GPM6B: variants seen among roughly 807,000 people sequenced by gnomAD.
The protein encoded by GPM6B is glycoprotein M6B, also known as neuronal membrane glycoprotein M6-b.
A neutral mutation model predicts 27.2 loss-of-function variants in GPM6B; 4 were observed. The observed-to-expected ratio is 0.15, with a 90% CI of 0.07 to 0.34. The LOEUF is 0.34. GPM6B is among the 10% of genes least tolerant of loss of function. GPM6B has a pLI of 1.00. For missense variants in GPM6B, 183 were observed against 261.9 expected, an observed-to-expected ratio of 0.70 and a Z score of 2.08; for synonymous variants, 124 against 103.1, an observed-to-expected ratio of 1.20 and a Z score of -1.23.
At chrX:13,874,737 C>G (rs1305663353) in intron 1 of GPM6B, among the ~76,000 whole-genome samples, 1 of 110,067 alleles carries the variant, frequency 9.1e-6, no homozygotes, top group Non-Finnish European at 1.9e-5. Context: ...AAGACAAAAA[C>G]AAAAACAAAA....
Position 13,788,741 on chromosome X carries a change from T to C in GPM6B, c.182-2933A>G, listed in dbSNP as rs747781924. On this transcript the variant is annotated intron_variant, in intron 2 of 7. Coordinates refer to ENST00000316715, the MANE Select transcript of GPM6B (RefSeq NM_001001995.3). ...GCATTCCAAAGAAATATCACAGCTC[T>C]CCCAGGCTCAAAAAGCCAAGTGGGG... Among the ~76,000 whole-genome samples, 11 of 109,680 alleles carry C rather than the reference T, an allele frequency of 1.0e-4. No homozygotes were observed. The South Asian group carries it at 4.3e-3, about 43-fold the overall frequency.
At position 13,772,862 on chromosome X, in the gene GPM6B, G is replaced by C; in HGVS notation, c.*19C>G. 8.3e-7 allele frequency: 1 copy of C among 1,205,517 alleles called. No homozygotes were observed. Among genetic ancestry groups the C allele is most frequent in the Non-Finnish European group, 1.1e-6 (1 of 891,051 alleles). The stretch of plus-strand genomic sequence containing the variant: ...TGTCAGAGCTGTAAATACGTCGGCC[G>C]AAACACTCTGGCAAACATTTATGTG... On this transcript the variant is annotated 3_prime_UTR_variant, in exon 8 of 8. Transcript: ENST00000316715.
At chrX:13,810,255 A>G (rs1273001239) in intron 1 of GPM6B, among the ~76,000 whole-genome samples, 3 of 112,428 alleles carry the variant, frequency 2.7e-5, no homozygotes, top group Non-Finnish European at 5.6e-5. Flanking sequence ...GAAAAAAAAC[A>G]GAAGGTCAAG....
chrX:13,785,573 C>T lies in GPM6B; in HGVS notation c.368+49G>A, dbSNP rs1480343846. ...AAATTGCTGGGATGACAGGCATGAG[C>T]CACCACGCCAGGCCTTAGATGCATT... is the stretch of plus-strand genomic sequence containing the variant. On this transcript the variant is annotated intron_variant, in intron 3 of 7. Transcript: ENST00000316715. The T allele has an allele frequency of 3.6e-6, 4 of 1,118,740 alleles. No homozygotes were observed. In the South Asian group the frequency reaches 7.7e-5, roughly 22 times the overall value. 92.2% of individuals were successfully genotyped at this position (1,118,740 alleles called of 1,213,427 possible). A position where few individuals can be genotyped will look rare whatever the true frequency, so the allele number is the denominator to read the frequency against.
chrX:13,798,372 A>T (rs1408956343), intron 2 of GPM6B, among the ~76,000 whole-genome samples: 1 of 108,138 alleles, frequency 9.2e-6, no homozygotes. Flanking sequence ...AGCAGAGGGC[A>T]GGAGGCTACA....
At chrX:13,850,233 G>A (rs1165490372) in intron 1 of GPM6B, among the ~76,000 whole-genome samples, 1 of 111,525 alleles carries the variant, frequency 9.0e-6, no homozygotes, top group Non-Finnish European at 1.9e-5. Context: ...GGGAGTGAGT[G>A]GGTTCTTCCT....
chrX:13,781,581 T>TA (rs1449711171), intron 4 of GPM6B, among the ~76,000 whole-genome samples: 2 of 111,142 alleles, frequency 1.8e-5, no homozygotes, highest in African/African-American at 6.6e-5. Context: ...ACTATTCCTC[T>TA]ACCCTCCTCT....
intron 1 of GPM6B, among the ~76,000 whole-genome samples, chrX:13,846,238 T>A (rs2147235639): frequency 9.0e-6 from 1 of 110,526 alleles, no homozygotes; most frequent in African/African-American, 3.3e-5. Context: ...CCATCCCATC[T>A]CCCACTCAAC....
chrX:13,814,809 C>T (rs2049203924), intron 1 of GPM6B, among the ~76,000 whole-genome samples: 2 of 111,833 alleles, frequency 1.8e-5, no homozygotes, highest in African/African-American at 6.5e-5. Flanking sequence ...ACCCCTCTTG[C>T]TGTAGATCAG....
intron 1 of GPM6B, among the ~76,000 whole-genome samples, chrX:13,937,427 G>C (rs7890813): frequency 0.023 from 2,539 of 111,785 alleles, 75 homozygotes; most frequent in African/African-American, 0.078. Context: ...TGAATGATTA[G>C]GGGAAGCGGA....
chrX:13,819,523 C>T (rs899003330), upstream of GPM6B, among the ~76,000 whole-genome samples: 3 of 112,127 alleles, frequency 2.7e-5, no homozygotes, highest in African/African-American at 9.7e-5. Context: ...ATACAAAATA[C>T]TGAACAAAAC....
intron 1 of GPM6B, among the ~76,000 whole-genome samples, chrX:13,899,442 G>C (rs1256479341): frequency 9.4e-6 from 1 of 106,323 alleles, no homozygotes; most frequent in South Asian, 4.2e-4. Context: ...GATTGCATAG[G>C]GAGGCAATTA....
At chrX:13,783,792 G>A (rs748870973) in intron 3 of GPM6B, 7 of 434,572 alleles carry the variant, frequency 1.6e-5, no homozygotes, top group South Asian at 7.7e-5. Context: ...AGTCCTGGGC[G>A]GCAAGGGTTA....
At position 13,772,265 on chromosome X, in the gene GPM6B, A is replaced by G. The variant is rs1245581966; in HGVS notation, c.*616T>C. 1.8e-5 allele frequency: 2 copies of G among 112,374 alleles called. No individual in the cohort carries two copies. Among genetic ancestry groups the G allele is most frequent in the African/African-American group, 6.5e-5 (2 of 30,874 alleles). The allele number at this position is 112,374 out of a possible 1,213,427, so 9.3% of individuals were successfully genotyped here. ...TAGTAGGGTCAGCAGAATTGTAGCT[A>G]ATTTTAGCATTATTGAAAAATATAT... On this transcript the variant is annotated 3_prime_UTR_variant, in exon 8 of 8. Transcript: ENST00000316715.
At chrX:13,938,302 C>G (rs188918136) in intron 1 of GPM6B, 97,039 of 271,288 alleles carry the variant, frequency 0.36, 12,941 homozygotes, top group Non-Finnish European at 0.42. Flanking sequence ...CCACCCCCCC[C>G]ACAGGATACA....
intron 1 of GPM6B, among the ~76,000 whole-genome samples, chrX:13,905,242 A>AAAAAAAG (rs1300353393): frequency 5.0e-4 from 54 of 107,887 alleles, no homozygotes; most frequent in African/African-American, 1.7e-3. Context: ...AAAAAAAAAA[A>AAAAAAAG]AAAAGAAAAG....
chrX:13,903,093 G>A (rs1356343057), intron 1 of GPM6B, among the ~76,000 whole-genome samples: 1 of 112,131 alleles, frequency 8.9e-6, no homozygotes, highest in Non-Finnish European at 1.9e-5. Context: ...GACTTAGACA[G>A]ACTCACTCCC....
intron 1 of GPM6B, among the ~76,000 whole-genome samples, chrX:13,902,488 A>G (rs1178859063): frequency 9.0e-6 from 1 of 110,945 alleles, no homozygotes; most frequent in Non-Finnish European, 1.9e-5. Context: ...GTATTACTCT[A>G]TTGCCAACGA....
At chrX:13,859,812 G>A (rs1326317252) in intron 1 of GPM6B, among the ~76,000 whole-genome samples, 2 of 110,612 alleles carry the variant, frequency 1.8e-5, no homozygotes, top group East Asian at 5.6e-4. Flanking sequence ...TTCAATAAAT[G>A]TCAGCTATTA....
Sources: allele counts gnomAD v4.1 joint callset (sites outside exome capture counted in the v4.1 genomes callset), GRCh38; gene constraint gnomAD v4.1.1; transcripts MANE v1.5; gene names NCBI Gene and HGNC (gene_info 2026-07-23, HGNC 2026-07-21).